The following FER1L6 variants were observed in gnomAD, a reference collection of about 807,000 sequenced individuals.
FER1L6 encodes the protein fer-1 like family member 6.
A neutral mutation model predicts 219.2 loss-of-function variants in FER1L6; 177 were observed. The observed-to-expected ratio is 0.81, with a 90% CI of 0.71 to 0.91. FER1L6 has a LOEUF of 0.91. Ranked by LOEUF, FER1L6 falls within the 40% of genes least tolerant of loss-of-function variation. FER1L6 has a pLI of 0.00. For synonymous variants in FER1L6, 768 were observed against 824.3 expected, an observed-to-expected ratio of 0.93 and a Z score of 1.17; for missense variants, 2,153 against 2,259.9, an observed-to-expected ratio of 0.95 and a Z score of 0.96.
intron 1 of FER1L6, among the ~76,000 whole-genome samples, chr8:123,889,346 C>T (rs1487840731): frequency 2.6e-5 from 4 of 152,060 alleles, no homozygotes; most frequent in Admixed American, 6.5e-5. Flanking sequence ...TGAGTAAGTG[C>T]ACTAGGTGAA....
intron 22 of FER1L6, among the ~76,000 whole-genome samples, chr8:124,051,537 A>G (rs1216866010): frequency 6.6e-6 from 1 of 152,224 alleles, no homozygotes; most frequent in Non-Finnish European, 1.5e-5. Context: ...GCATGGAATA[A>G]ACACTCCACA....
chr8:123,958,044 A>C (rs1230998918), intron 2 of FER1L6, among the ~76,000 whole-genome samples: 1 of 152,212 alleles, frequency 6.6e-6, no homozygotes, highest in Non-Finnish European at 1.5e-5. Context: ...TACATCTTAA[A>C]TTCTTAAAAT....
intron 1 of FER1L6, among the ~76,000 whole-genome samples, chr8:123,921,880 C>A (rs1000418822): frequency 6.6e-6 from 1 of 152,096 alleles, no homozygotes; most frequent in Non-Finnish European, 1.5e-5. Context: ...GTTTGTCAAG[C>A]CGCTTGTAAC....
rs199780733 is a variant in FER1L6, at chr8:123,966,114, G to C, written c.253-45G>C. ...CTCCCCCAGTGCTTCCTGTGTGCAT[G>C]GATGGCGGTGTCCGGAATGGTGTCC... On this transcript the variant is annotated intron_variant, in intron 4 of 40. Coordinates refer to ENST00000522917, the MANE Select transcript of FER1L6 (RefSeq NM_001039112.2). 3.4e-3 allele frequency: 5,535 copies of C among 1,613,776 alleles called. 17 individuals are homozygous for C. The highest frequency in any genetic ancestry group is 4.4e-3 in the Non-Finnish European group (5,168 of 1,179,852).
chr8:123,988,748 T>C (rs1319359338), intron 12 of FER1L6, among the ~76,000 whole-genome samples: 2 of 151,970 alleles, frequency 1.3e-5, no homozygotes, highest in African/African-American at 4.8e-5. Context: ...TTTTTCCAAA[T>C]ATAAGATCAT....
At chr8:123,883,452 C>T (rs191611859) in intron 1 of FER1L6, among the ~76,000 whole-genome samples, 1 of 152,324 alleles carries the variant, frequency 6.6e-6, no homozygotes, top group East Asian at 1.9e-4. Context: ...TGAAACTTTA[C>T]AGAAGGCCTT....
At chr8:124,100,520 A>T (rs1188831135) in intron 37 of FER1L6, among the ~76,000 whole-genome samples, 4 of 152,168 alleles carry the variant, frequency 2.6e-5, no homozygotes, top group Non-Finnish European at 4.4e-5. Flanking sequence ...TGGAATCCAG[A>T]TGGGTGCAGG....
chr8:124,012,246 C>T (rs2130572408), intron 14 of FER1L6, among the ~76,000 whole-genome samples: 1 of 152,280 alleles, frequency 6.6e-6, no homozygotes, highest in East Asian at 1.9e-4. Flanking sequence ...TTGTCTCTGA[C>T]CATGGGGATT....
chr8:123,864,886 A>T (rs1347109607), intron 1 of FER1L6, among the ~76,000 whole-genome samples: 1 of 150,242 alleles, frequency 6.7e-6, no homozygotes, highest in Non-Finnish European at 1.5e-5. Flanking sequence ...ATTCTTCTAA[A>T]TTTTTTTCAA....
intron 40 of FER1L6, 85 bp downstream of exon 40, chr8:124,119,029 G>C: frequency 2.7e-6 from 3 of 1,125,736 alleles, no homozygotes; most frequent in East Asian, 2.5e-5. Context: ...CATTTCTTTA[G>C]AGCAGCCCTG....
chr8:124,070,806 G>A (rs1370142041), intron 30 of FER1L6, among the ~76,000 whole-genome samples: 1 of 152,086 alleles, frequency 6.6e-6, no homozygotes, highest in Admixed American at 6.6e-5. Flanking sequence ...AGCTCAGTCT[G>A]GTGAAAAATA....
intron 16 of FER1L6, among the ~76,000 whole-genome samples, chr8:124,018,665 CTT>C (rs540264983): frequency 6.6e-6 from 1 of 152,130 alleles, no homozygotes; most frequent in South Asian, 2.1e-4. Flanking sequence ...ATTTCAATAT[CTT>C]TTTTTAGTGG....
intron 16 of FER1L6, among the ~76,000 whole-genome samples, chr8:124,019,368 T>C (rs1327300435): frequency 5.9e-5 from 9 of 152,226 alleles, no homozygotes. Context: ...GCTTTGCCCC[T>C]GTCTAGCACC....
At chr8:124,054,138 A>G (rs966572382) in intron 22 of FER1L6, among the ~76,000 whole-genome samples, 2 of 152,042 alleles carry the variant, frequency 1.3e-5, no homozygotes, top group Non-Finnish European at 2.9e-5. Context: ...TGAACGTTAC[A>G]TTGGCCTCCC....
rs1272675005 is a variant in FER1L6, at chr8:123,965,406, T to A, written c.198-601T>A. Among the ~76,000 whole-genome samples, 4 of 152,208 alleles carry A rather than the reference T, an allele frequency of 2.6e-5. No homozygotes were observed. In the South Asian group the frequency reaches 8.3e-4, roughly 32 times the overall value. On this transcript the variant is annotated intron_variant, in intron 3 of 40. Coordinates refer to ENST00000522917, the MANE Select transcript of FER1L6 (RefSeq NM_001039112.2). The stretch of plus-strand genomic sequence containing the variant: ...AACAGGAATTCTTCATCTCTTTCTG[T>A]TGTTATCCATCTCTAAATGCCCAGG...
At chr8:123,948,391 A>G (rs1227622136) in intron 1 of FER1L6, among the ~76,000 whole-genome samples, 1 of 152,218 alleles carries the variant, frequency 6.6e-6, no homozygotes, top group Non-Finnish European at 1.5e-5. Context: ...ATGAATTGAA[A>G]ATTTTTGCAA....
intron 39 of FER1L6, among the ~76,000 whole-genome samples, chr8:124,104,540 T>G (rs1822684614): frequency 6.6e-6 from 1 of 152,114 alleles, no homozygotes; most frequent in South Asian, 2.1e-4. Context: ...CTATTCCAAG[T>G]GAAAGAACCA....
At chr8:123,870,527 G>A (rs887144563) in intron 1 of FER1L6, among the ~76,000 whole-genome samples, 8 of 152,182 alleles carry the variant, frequency 5.3e-5, no homozygotes, top group Non-Finnish European at 1.2e-4. Flanking sequence ...CATCTTCAAT[G>A]CATATTGCCA....
chr8:123,947,422 G>C (rs2130045717), intron 1 of FER1L6, among the ~76,000 whole-genome samples: 1 of 152,186 alleles, frequency 6.6e-6, no homozygotes, highest in African/African-American at 2.4e-5. Context: ...TTTCTCCCCA[G>C]CTCCAAGATG....
Sources: gnomAD v4.1 joint callset for allele counts (sites outside exome capture counted in the v4.1 genomes callset) on GRCh38, gnomAD v4.1.1 for gene constraint, MANE v1.5 for transcripts, NCBI Gene and HGNC (gene_info 2026-07-23, HGNC 2026-07-21) for gene names.